KHDRBS2: variants seen among roughly 807,000 people sequenced by gnomAD.
KHDRBS2 encodes KH RNA binding domain containing, signal transduction associated 2.
In KHDRBS2, 26 loss-of-function variants were observed where a neutral mutation model predicts 44.3. The ratio of observed to expected loss-of-function variants is 0.59; its 90% CI spans 0.43 to 0.81. The LOEUF (loss-of-function observed/expected upper bound fraction) is 0.81, where lower values mean the gene tolerates loss of function less well. Among genes scored for constraint, KHDRBS2 ranks in the 40% least tolerant of loss-of-function variants. The pLI is 0.00. For missense variants in KHDRBS2, 476 were observed against 433.1 expected, an observed-to-expected ratio of 1.10 and a Z score of -0.88; for synonymous variants, 194 against 151.1, an observed-to-expected ratio of 1.28 and a Z score of -2.08.
chr6:61,592,188 CAAAAAAA>C, the KHDRBS2 span, among the ~76,000 whole-genome samples: 16 of 122,272 alleles, frequency 1.3e-4, no homozygotes, highest in African/African-American at 1.8e-4. Context: ...AAGATCCCAC[CAAAAAAA>C]AAAAAAAAAA....
At chr6:62,272,639 A>ATAC (rs1431445211) in intron 1 of KHDRBS2, among the ~76,000 whole-genome samples, 4 of 152,130 alleles carry the variant, frequency 2.6e-5, no homozygotes. Flanking sequence ...AAGTATCAAG[A>ATAC]TGTTGGCAGT....
At chr6:61,627,590 GAATC>G in the KHDRBS2 span, among the ~76,000 whole-genome samples, 5 of 152,256 alleles carry the variant, frequency 3.3e-5, no homozygotes, top group African/African-American at 9.6e-5. Context: ...TATGGCCAAT[GAATC>G]AATCAGTCAT....
chr6:62,147,192 C>A (rs1814128403), intron 2 of KHDRBS2, among the ~76,000 whole-genome samples: 1 of 151,830 alleles, frequency 6.6e-6, no homozygotes, highest in African/African-American at 2.4e-5. Context: ...GAAGTTTGCA[C>A]TGTGTTGCCT....
intron 6 of KHDRBS2, among the ~76,000 whole-genome samples, chr6:61,826,599 T>C (rs1465937649): frequency 6.6e-6 from 1 of 152,092 alleles, no homozygotes; most frequent in East Asian, 1.9e-4. Context: ...CCAGTGAGTG[T>C]GTCATCTGGT....
At chr6:61,914,966 A>G (rs1460087907) in intron 4 of KHDRBS2, among the ~76,000 whole-genome samples, 2 of 152,186 alleles carry the variant, frequency 1.3e-5, no homozygotes, top group African/African-American at 4.8e-5. Flanking sequence ...CCATGACAGA[A>G]AAGTAACGGA....
the KHDRBS2 span, among the ~76,000 whole-genome samples, chr6:61,545,593 C>T: frequency 6.6e-6 from 1 of 151,570 alleles, no homozygotes; most frequent in Non-Finnish European, 1.5e-5. Flanking sequence ...TGCTCAAAAA[C>T]AGTATATGTA....
chr6:62,265,100 A>G (rs970274820), intron 1 of KHDRBS2, among the ~76,000 whole-genome samples: 3 of 151,946 alleles, frequency 2.0e-5, no homozygotes, highest in African/African-American at 7.2e-5. Context: ...CTCACAAACT[A>G]TCAGAGAACT....
intron 6 of KHDRBS2, among the ~76,000 whole-genome samples, chr6:61,752,982 G>A (rs9444717): frequency 0.012 from 1,785 of 152,146 alleles, 42 homozygotes; most frequent in African/African-American, 0.041. Flanking sequence ...AATTCTATGG[G>A]AACCCAAGCT....
chr6:61,947,913 A>C (rs868437746), intron 4 of KHDRBS2, among the ~76,000 whole-genome samples: 20 of 143,248 alleles, frequency 1.4e-4, no homozygotes, highest in African/African-American at 4.2e-4. Context: ...CACACACACA[A>C]AATAATAATA....
At chr6:61,819,323 T>C (rs1321785938) in intron 6 of KHDRBS2, among the ~76,000 whole-genome samples, 1 of 152,070 alleles carries the variant, frequency 6.6e-6, no homozygotes, top group African/African-American at 2.4e-5. Flanking sequence ...AACATTTCAA[T>C]ATTAATTTCT....
At chr6:61,863,761 G>A (rs1385220735) in intron 6 of KHDRBS2, among the ~76,000 whole-genome samples, 1 of 152,140 alleles carries the variant, frequency 6.6e-6, no homozygotes, top group Non-Finnish European at 1.5e-5. Flanking sequence ...ATATTCTGTT[G>A]TTTCTGGGTG....
At chr6:62,053,224 G>A (rs1389491203) in intron 2 of KHDRBS2, among the ~76,000 whole-genome samples, 1 of 151,800 alleles carries the variant, frequency 6.6e-6, no homozygotes, top group Non-Finnish European at 1.5e-5. Context: ...AGACTTATAG[G>A]AAATGTATCA....
rs574324681 is a variant in KHDRBS2 at position 61,778,916 on chromosome 6, T to C, written c.811-46152A>G. Among the ~76,000 whole-genome samples, 10 of 152,342 alleles carry C rather than the reference T, an allele frequency of 6.6e-5. No individual in the cohort carries two copies. In the South Asian group the frequency reaches 2.1e-3, roughly 32 times the overall value. On this transcript the variant is annotated intron_variant, in intron 6 of 8. Transcript: ENST00000281156. Reference sequence around the variant, plus strand: ...CCTTATCTTCCACTGCTTTGCTCACTGACAATTTACTACTCATTGCCTGCC... The same window carrying C: ...CCTTATCTTCCACTGCTTTGCTCACCGACAATTTACTACTCATTGCCTGCC...
chr6:61,610,868 T>G, the KHDRBS2 span, among the ~76,000 whole-genome samples: 1 of 152,198 alleles, frequency 6.6e-6, no homozygotes, highest in South Asian at 2.1e-4. Flanking sequence ...TCCACTACTA[T>G]AGTCACGGAA....
the KHDRBS2 span, among the ~76,000 whole-genome samples, chr6:61,592,681 GTT>G: frequency 9.9e-5 from 15 of 150,862 alleles, no homozygotes; most frequent in African/African-American, 3.7e-4. Context: ...AAATATTTTT[GTT>G]TTTTTTTAGT....
At chr6:61,894,865 A>G (rs1284028258) in intron 5 of KHDRBS2, 32 bp from the exon 6 acceptor site, 6 of 1,516,978 alleles carry the variant, frequency 4.0e-6, no homozygotes, top group Non-Finnish European at 4.5e-6. Context: ...TAGATGAGAA[A>G]CAGGTGATGA....
At chr6:62,136,310 T>A (rs1811512791) in intron 2 of KHDRBS2, among the ~76,000 whole-genome samples, 1 of 152,192 alleles carries the variant, frequency 6.6e-6, no homozygotes, top group South Asian at 2.1e-4. Flanking sequence ...TGTGTTCTAA[T>A]GATAACACTT....
intron 6 of KHDRBS2, among the ~76,000 whole-genome samples, chr6:61,750,963 T>G (rs1777594433): frequency 6.6e-6 from 1 of 152,074 alleles, no homozygotes; most frequent in Non-Finnish European, 1.5e-5. Flanking sequence ...TATTATCATA[T>G]ACGACTAAAA....
intron 1 of KHDRBS2, among the ~76,000 whole-genome samples, chr6:62,276,217 T>A (rs1344903396): frequency 2.0e-5 from 3 of 152,198 alleles, no homozygotes; most frequent in Non-Finnish European, 4.4e-5. Context: ...AACAGTATAA[T>A]AACACCAGCC....
Sources: gnomAD v4.1 joint callset for allele counts (sites outside exome capture counted in the v4.1 genomes callset) on GRCh38, gnomAD v4.1.1 for gene constraint, MANE v1.5 for transcripts, NCBI Gene and HGNC (gene_info 2026-07-23, HGNC 2026-07-21) for gene names.